Variants in GALNTL6 observed in about 807,000 individuals in gnomAD.
GALNTL6 encodes the protein polypeptide N-acetylgalactosaminyltransferase-like 6.
Under a neutral mutation model 73.7 loss-of-function variants are expected in GALNTL6, and 46 were observed. The ratio of observed to expected loss-of-function variants is 0.62; its 90% CI spans 0.49 to 0.80. GALNTL6 has a LOEUF of 0.80. GALNTL6 is among the 30% of genes least tolerant of loss of function. GALNTL6 has a pLI of 0.00. For missense variants in GALNTL6, 604 were observed against 755.0 expected, an observed-to-expected ratio of 0.80 and a Z score of 2.34; for synonymous variants, 259 against 263.7, an observed-to-expected ratio of 0.98 and a Z score of 0.17.
intron 5 of GALNTL6, among the ~76,000 whole-genome samples, chr4:172,579,374 A>G (rs566730758): frequency 1.3e-5 from 2 of 152,276 alleles, no homozygotes; most frequent in East Asian, 3.9e-4. Context: ...TAGAATACCT[A>G]AAATACTGGA....
At chr4:172,153,939 G>T (rs766849162) in intron 2 of GALNTL6, among the ~76,000 whole-genome samples, 14 of 152,166 alleles carry the variant, frequency 9.2e-5, no homozygotes, top group Non-Finnish European at 1.8e-4. Context: ...GAGGCTGCCC[G>T]GGAACATTTA....
At chr4:172,861,560 G>T (rs1744395270) in intron 7 of GALNTL6, among the ~76,000 whole-genome samples, 1 of 152,162 alleles carries the variant, frequency 6.6e-6, no homozygotes. Flanking sequence ...GCCTGCTGTG[G>T]ATTTTAACTT....
chr4:172,723,750 A>G (rs1385529795), intron 5 of GALNTL6, among the ~76,000 whole-genome samples: 1 of 150,844 alleles, frequency 6.6e-6, no homozygotes, highest in African/African-American at 2.4e-5. Flanking sequence ...ATGTGTAGGT[A>G]TTATGTATTA....
At chr4:172,764,021 C>G (rs1406591358) in intron 5 of GALNTL6, among the ~76,000 whole-genome samples, 1 of 143,630 alleles carries the variant, frequency 7.0e-6, no homozygotes, top group East Asian at 2.0e-4. Context: ...TGCAATGGGG[C>G]GATCTCAGCT....
At chr4:172,730,000 A>T (rs1416105894) in intron 5 of GALNTL6, among the ~76,000 whole-genome samples, 1 of 152,084 alleles carries the variant, frequency 6.6e-6, no homozygotes, top group Non-Finnish European at 1.5e-5. Flanking sequence ...GCTATTGTCA[A>T]TGGAATTACT....
intron 7 of GALNTL6, among the ~76,000 whole-genome samples, chr4:172,845,069 T>G (rs987593329): frequency 1.1e-4 from 16 of 151,036 alleles, no homozygotes; most frequent in Admixed American, 7.9e-4. Flanking sequence ...AAAACAAAAA[T>G]TAGCTGGGCG....
intron 5 of GALNTL6, among the ~76,000 whole-genome samples, chr4:172,410,927 C>A (rs1373850832): frequency 6.6e-6 from 1 of 152,066 alleles, no homozygotes; most frequent in Admixed American, 6.6e-5. Context: ...GCAGGCTTCA[C>A]ATTTATTATG....
intron 2 of GALNTL6, among the ~76,000 whole-genome samples, chr4:171,834,883 C>T (rs1305445020): frequency 6.6e-6 from 1 of 151,882 alleles, no homozygotes; most frequent in Non-Finnish European, 1.5e-5. Flanking sequence ...TCAGTTTTCC[C>T]CTAGACTGTG....
chr4:172,455,201 G>GT (rs1422194940), intron 5 of GALNTL6, among the ~76,000 whole-genome samples: 1 of 152,178 alleles, frequency 6.6e-6, no homozygotes, highest in Non-Finnish European at 1.5e-5. Flanking sequence ...TTTTCTGATG[G>GT]TCTTAGCAAC....
At position 172,553,977 on chromosome 4, in the gene GALNTL6, A is replaced by T. The variant is rs567936092; in HGVS notation, c.553+205288A>T. Among the ~76,000 whole-genome samples, 3 of 152,236 alleles carry T rather than the reference A, an allele frequency of 2.0e-5. No individual in the cohort carries two copies. The East Asian group carries it at 5.8e-4, about 29-fold the overall frequency. ...CCCAGGTTTCTACATTACAGTGACT[A>T]TGATTGGATCCCTGCACTCCAGCCT... On this transcript the variant is annotated intron_variant, in intron 5 of 12. Coordinates refer to ENST00000506823, the MANE Select transcript of GALNTL6 (RefSeq NM_001034845.3).
intron 5 of GALNTL6, among the ~76,000 whole-genome samples, chr4:172,674,529 C>A (rs1009532788): frequency 6.6e-6 from 1 of 152,150 alleles, no homozygotes; most frequent in Non-Finnish European, 1.5e-5. Context: ...GGTTGAGGAA[C>A]TTACCATGAA....
chr4:172,016,254 A>G (rs956061038), intron 2 of GALNTL6, among the ~76,000 whole-genome samples: 1 of 151,866 alleles, frequency 6.6e-6, no homozygotes, highest in African/African-American at 2.4e-5. Context: ...GGTGTTGTTC[A>G]TTTTTTAAAA....
At chr4:172,805,589 C>A (rs1740908594) in intron 5 of GALNTL6, among the ~76,000 whole-genome samples, 1 of 152,028 alleles carries the variant, frequency 6.6e-6, no homozygotes, top group Non-Finnish European at 1.5e-5. Flanking sequence ...CAGAGTTTTG[C>A]AAATGTCTCA....
At chr4:172,323,493 T>C (rs1488788949) in intron 4 of GALNTL6, among the ~76,000 whole-genome samples, 4 of 152,162 alleles carry the variant, frequency 2.6e-5, no homozygotes, top group Non-Finnish European at 5.9e-5. Flanking sequence ...AGGTGCCAAG[T>C]TGACATTTTA....
intron 3 of GALNTL6, among the ~76,000 whole-genome samples, chr4:172,270,545 C>T (rs1314159106): frequency 3.3e-5 from 5 of 152,146 alleles, no homozygotes; most frequent in Non-Finnish European, 5.9e-5. Flanking sequence ...GGCATGCACA[C>T]AGCCCTCATT....
At chr4:171,934,249 G>A (rs1229527106) in intron 2 of GALNTL6, among the ~76,000 whole-genome samples, 2 of 152,114 alleles carry the variant, frequency 1.3e-5, no homozygotes, top group Non-Finnish European at 2.9e-5. Context: ...ACAAATATAT[G>A]TAAATATTTA....
At chr4:172,359,000 C>CTACT (rs1303381346) in intron 5 of GALNTL6, among the ~76,000 whole-genome samples, 6 of 151,794 alleles carry the variant, frequency 4.0e-5, no homozygotes, top group Non-Finnish European at 8.8e-5. Context: ...AAACACAGAA[C>CTACT]TACTATTTGA....
intron 2 of GALNTL6, among the ~76,000 whole-genome samples, chr4:171,951,053 G>A (rs1738862992): frequency 6.6e-6 from 1 of 152,034 alleles, no homozygotes; most frequent in Non-Finnish European, 1.5e-5. Flanking sequence ...TTTAATAAAT[G>A]TACCAGGAAT....
intron 5 of GALNTL6, among the ~76,000 whole-genome samples, chr4:172,396,513 G>C (rs565506398): frequency 1.3e-5 from 2 of 151,918 alleles, no homozygotes; most frequent in African/African-American, 2.4e-5. Context: ...CCAAGTGAGG[G>C]GTTTCTGAAA....
Sources: allele counts gnomAD v4.1 joint callset (sites outside exome capture counted in the v4.1 genomes callset), GRCh38; gene constraint gnomAD v4.1.1; transcripts MANE v1.5; gene names NCBI Gene and HGNC (gene_info 2026-07-23, HGNC 2026-07-21).